Variants in JAZF1 observed in about 807,000 individuals in gnomAD.
The protein encoded by JAZF1 is JAZF zinc finger 1.
In JAZF1, 8 loss-of-function variants were observed where a neutral mutation model predicts 26.4. The observed-to-expected ratio is 0.30, with a 90% confidence interval of 0.18 to 0.55. JAZF1 has a LOEUF of 0.55. Ranked by LOEUF, JAZF1 falls within the 20% of genes least tolerant of loss-of-function variation. The pLI is 0.94. For missense variants in JAZF1, 199 were observed against 322.0 expected (o/e 0.62, Z 2.92); for synonymous variants, 126 against 122.3 (o/e 1.03, Z -0.20).
In JAZF1 at chr7:28,011,886, C is replaced by T. The variant is rs763573327; in HGVS notation, c.116-19905G>A. On this transcript the variant is annotated intron_variant, in intron 1 of 4. Transcript: ENST00000283928. ...TGTCTCCCCATTCCATTAAAAGGGA[C>T]TTAAGGGATGGGAGATGGGTCACAG... is the stretch of plus-strand genomic sequence containing the variant. Among the ~76,000 whole-genome samples the T allele has an allele frequency of 2.0e-5, 3 of 152,060 alleles. No individual in the cohort carries two copies. In the East Asian group the frequency reaches 5.8e-4, roughly 29 times the overall value.
chr7:27,913,728 A>G (rs547580816), intron 2 of JAZF1, among the ~76,000 whole-genome samples: 28 of 150,258 alleles, frequency 1.9e-4, no homozygotes, highest in African/African-American at 6.5e-4. Context: ...TACCTTGGCC[A>G]TTTGCTTTCT....
chr7:27,891,385 T>C (rs1583450382), intron 3 of JAZF1, among the ~76,000 whole-genome samples: 1 of 152,244 alleles, frequency 6.6e-6, no homozygotes. Context: ...ATTTACTATA[T>C]GGACCTTTAT....
At chr7:27,922,805 C>T (rs1183081050) in intron 2 of JAZF1, among the ~76,000 whole-genome samples, 1 of 152,172 alleles carries the variant, frequency 6.6e-6, no homozygotes, top group Non-Finnish European at 1.5e-5. Flanking sequence ...GAGATACATG[C>T]TTCTAACAAC....
chr7:28,171,254 T>C (rs187951215), intron 1 of JAZF1, among the ~76,000 whole-genome samples: 9 of 152,346 alleles, frequency 5.9e-5, no homozygotes, highest in African/African-American at 2.2e-4. Flanking sequence ...ATTCCCTTAA[T>C]ATAAACCATA....
At chr7:27,876,456 G>A (rs867307653) in intron 3 of JAZF1, among the ~76,000 whole-genome samples, 2 of 152,054 alleles carry the variant, frequency 1.3e-5, no homozygotes, top group Non-Finnish European at 2.9e-5. Context: ...CAGAGTGCAC[G>A]TTTCCATTTT....
At chr7:28,021,178 A>C (rs1389557797) in intron 1 of JAZF1, among the ~76,000 whole-genome samples, 2 of 152,080 alleles carry the variant, frequency 1.3e-5, no homozygotes, top group Admixed American at 6.5e-5. Flanking sequence ...GGGCCGAGAG[A>C]GTTCTTGCAG....
At chr7:28,153,004 T>A (rs552265208) in intron 1 of JAZF1, among the ~76,000 whole-genome samples, 1 of 152,218 alleles carries the variant, frequency 6.6e-6, no homozygotes, top group Admixed American at 6.5e-5. Flanking sequence ...TCTTAGTTTC[T>A]AGGGAGAATT....
At chr7:28,141,849 A>G (rs922725352) in intron 1 of JAZF1, among the ~76,000 whole-genome samples, 6 of 152,214 alleles carry the variant, frequency 3.9e-5, no homozygotes, top group African/African-American at 1.4e-4. Context: ...AAGTTTCACA[A>G]AACACTCTTT....
chr7:28,046,691 A>T (rs1040412706), intron 1 of JAZF1, among the ~76,000 whole-genome samples: 5 of 152,210 alleles, frequency 3.3e-5, no homozygotes, highest in African/African-American at 1.2e-4. Flanking sequence ...TGGCAATCTG[A>T]TACATGAAAA....
intron 4 of JAZF1, among the ~76,000 whole-genome samples, chr7:27,836,481 T>A (rs1184682289): frequency 2.0e-5 from 3 of 152,222 alleles, no homozygotes; most frequent in Admixed American, 6.5e-5. Context: ...CTGTATGGGA[T>A]CTTTGTTGTC....
At chr7:27,928,402 A>G (rs1784631627) in intron 2 of JAZF1, among the ~76,000 whole-genome samples, 1 of 152,232 alleles carries the variant, frequency 6.6e-6, no homozygotes, top group African/African-American at 2.4e-5. Flanking sequence ...GGGTTTCCCA[A>G]TGGAAAGCCA....
Position 27,840,596 on chromosome 7 carries a change from C to G in JAZF1, c.555+102G>C, listed in dbSNP as rs778314422. The G allele has an allele frequency of 1.2e-5, 15 of 1,217,132 alleles. No homozygotes were observed. The Admixed American group carries it at 1.3e-4, about 11-fold the overall frequency. 75.4% of individuals were successfully genotyped at this position (1,217,132 alleles called of 1,614,324 possible). ...ATGCAGGAGAGGGGAGTGTCTCCCCCCAGCCCATACGCTCGCTTTAAAATC... is the reference window on the plus strand; with the variant it reads ...ATGCAGGAGAGGGGAGTGTCTCCCCGCAGCCCATACGCTCGCTTTAAAATC... On this transcript the variant is annotated intron_variant, in intron 4 of 4. Coordinates refer to ENST00000283928, the MANE Select transcript of JAZF1 (RefSeq NM_175061.4). This position sits in a 1 kb window ranked among gnomAD's most constrained non-coding sequence, Gnocchi z 5.1.
chr7:27,893,808 G>C (rs969639138), intron 3 of JAZF1, among the ~76,000 whole-genome samples: 1 of 152,184 alleles, frequency 6.6e-6, no homozygotes, highest in Non-Finnish European at 1.5e-5. Flanking sequence ...ATTCACTCCT[G>C]CCCAAGGAGG....
In JAZF1 at chr7:27,831,645, C is replaced by T; in HGVS notation, c.*1155G>A. 4.4e-6 allele frequency: 1 copy of T among 225,748 alleles called. No individual in the cohort carries two copies. Among genetic ancestry groups the T allele is most frequent in the Admixed American group, 5.7e-5 (1 of 17,558 alleles). The allele number at this position is 225,748 out of a possible 1,614,324, so 14.0% of individuals were successfully genotyped here. A position where few individuals can be genotyped will look rare whatever the true frequency, so the allele number is the denominator to read the frequency against. On this transcript the variant is annotated 3_prime_UTR_variant, in exon 5 of 5. Coordinates refer to ENST00000283928, the MANE Select transcript of JAZF1 (RefSeq NM_175061.4). ...AAAGTGTTTGTTTTATAAAGCTAAA[C>T]AGACATTTCCAATGAGAATGCAGAC...
At chr7:27,858,544 G>A (rs1205768825) in intron 3 of JAZF1, among the ~76,000 whole-genome samples, 3 of 152,078 alleles carry the variant, frequency 2.0e-5, no homozygotes, top group Non-Finnish European at 4.4e-5. Flanking sequence ...ATATAGACCA[G>A]TGGAAAGAAC....
intron 3 of JAZF1, among the ~76,000 whole-genome samples, chr7:27,849,905 G>A (rs924815771): frequency 6.6e-6 from 1 of 152,044 alleles, no homozygotes; most frequent in Non-Finnish European, 1.5e-5. Flanking sequence ...CACTCTCCTC[G>A]AACCTCTGCC....
chr7:27,975,091 T>C (rs1349639716), intron 2 of JAZF1, among the ~76,000 whole-genome samples: 2 of 152,030 alleles, frequency 1.3e-5, no homozygotes, highest in East Asian at 3.9e-4. Context: ...TTCACCATGT[T>C]AGCCAGGATG....
At chr7:27,920,852 A>G (rs1784517177) in intron 2 of JAZF1, among the ~76,000 whole-genome samples, 1 of 152,214 alleles carries the variant, frequency 6.6e-6, no homozygotes, top group South Asian at 2.1e-4. Flanking sequence ...AGCATAAACG[A>G]CCATTTTAAT....
chr7:28,147,029 T>C (rs1437627272), intron 1 of JAZF1, among the ~76,000 whole-genome samples: 3 of 152,004 alleles, frequency 2.0e-5, no homozygotes, highest in African/African-American at 7.2e-5. Context: ...GCTAATTTGT[T>C]GCATTTTTAG....
Sources: allele counts gnomAD v4.1 joint callset (sites outside exome capture counted in the v4.1 genomes callset), GRCh38; gene constraint gnomAD v4.1.1; non-coding constraint Gnocchi (gnomAD v3.1); transcripts MANE v1.5; gene names NCBI Gene and HGNC (gene_info 2026-07-23, HGNC 2026-07-21).